RGL1: variants seen among roughly 807,000 people sequenced by gnomAD.
RGL1 encodes the protein ral guanine nucleotide dissociation stimulator-like 1.
Under a neutral mutation model 95.2 loss-of-function variants are expected in RGL1, and 24 were observed. That is an observed-to-expected ratio of 0.25 (90% CI 0.18 to 0.35). The LOEUF is 0.35. RGL1 is among the 10% of genes least tolerant of loss of function. The pLI, the probability that RGL1 is intolerant of heterozygous loss-of-function variation, is 1.00. For missense variants in RGL1, 715 were observed against 936.3 expected (o/e 0.76, Z 3.08); for synonymous variants, 329 against 344.9 (o/e 0.95, Z 0.51).
intron 16 of RGL1, among the ~76,000 whole-genome samples, chr1:183,920,232 T>C (rs1326752564): frequency 1.3e-5 from 2 of 152,106 alleles, no homozygotes; most frequent in African/African-American, 4.8e-5. Flanking sequence ...AGACGGGGTT[T>C]CACCATGTTG....
intron 1 of RGL1, among the ~76,000 whole-genome samples, chr1:183,719,289 C>T (rs1655838816): frequency 6.6e-6 from 1 of 152,248 alleles, no homozygotes; most frequent in South Asian, 2.1e-4. Flanking sequence ...GAGACACTTA[C>T]TGAGCAGTCC....
At chr1:183,925,942 A>G (rs1016099240) in intron 17 of RGL1, among the ~76,000 whole-genome samples, 163 bp from the exon 18 acceptor site, 5 of 152,114 alleles carry the variant, frequency 3.3e-5, no homozygotes, top group Admixed American at 6.5e-5. Flanking sequence ...GCTGGGGCCA[A>G]TTTTTGGGGT....
At chr1:183,839,780 T>A (rs1047229679) in intron 2 of RGL1, among the ~76,000 whole-genome samples, 1 of 152,176 alleles carries the variant, frequency 6.6e-6, no homozygotes, top group Non-Finnish European at 1.5e-5. Flanking sequence ...CCCTCTGTCA[T>A]ATTGTTTATG....
chr1:183,878,267 GCTC>G (rs1666634823), intron 4 of RGL1, among the ~76,000 whole-genome samples: 1 of 151,908 alleles, frequency 6.6e-6, no homozygotes, highest in Non-Finnish European at 1.5e-5. Context: ...TGTGATCACA[GCTC>G]ACTGCAGCCT....
chr1:183,924,019 C>T (rs1010755756), intron 17 of RGL1, among the ~76,000 whole-genome samples: 2 of 152,150 alleles, frequency 1.3e-5, no homozygotes, highest in Non-Finnish European at 2.9e-5. Flanking sequence ...TTCAAATACT[C>T]ATTACACTTG....
At chr1:183,725,098 A>G (rs1656237421) in intron 1 of RGL1, among the ~76,000 whole-genome samples, 1 of 152,174 alleles carries the variant, frequency 6.6e-6, no homozygotes, top group South Asian at 2.1e-4. Context: ...TCCAAATCTT[A>G]TCCAAGATCA....
intron 2 of RGL1, among the ~76,000 whole-genome samples, chr1:183,764,289 C>T (rs1487412259): frequency 6.6e-6 from 1 of 152,066 alleles, no homozygotes; most frequent in African/African-American, 2.4e-5. Context: ...AAATTAGGGG[C>T]TCATGTGGCA....
intron 2 of RGL1, among the ~76,000 whole-genome samples, chr1:183,778,834 A>G (rs1161376228): frequency 2.6e-5 from 4 of 152,190 alleles, no homozygotes; most frequent in Non-Finnish European, 5.9e-5. Flanking sequence ...CTCATCCTTT[A>G]GGGAATTGTC....
chr1:183,790,262 A>G (rs1660382101), intron 2 of RGL1, among the ~76,000 whole-genome samples: 1 of 151,908 alleles, frequency 6.6e-6, no homozygotes, highest in African/African-American at 2.4e-5. Context: ...CCAATATCCT[A>G]TGATGATGCC....
intron 14 of RGL1, among the ~76,000 whole-genome samples, chr1:183,910,227 G>C (rs1441680929): frequency 6.6e-6 from 1 of 152,158 alleles, no homozygotes; most frequent in African/African-American, 2.4e-5. Flanking sequence ...TTCCCAAGTA[G>C]CTGGGATTAC....
chr1:183,925,984 C>T lies in RGL1; in HGVS notation c.2120-121C>T, dbSNP rs918586692. 6.7e-6 allele frequency: 5 copies of T among 748,708 alleles called. No individual in the cohort carries two copies. In the South Asian group the frequency reaches 1.2e-4, roughly 18 times the overall value. The allele number at this position is 748,708 out of a possible 1,614,324, so 46.4% of individuals were successfully genotyped here. A position where few individuals can be genotyped will look rare whatever the true frequency, so the allele number is the denominator to read the frequency against. On this transcript the variant is annotated intron_variant, in intron 17 of 17. Transcript: ENST00000360851. ...GGTGATCACTGTCTGGTTCAGGTCA[C>T]ATTCCAGAGATGAAGGGCCGTAGTC...
chr1:183,672,189 T>C (rs2102055851), intron 1 of RGL1, among the ~76,000 whole-genome samples: 1 of 152,274 alleles, frequency 6.6e-6, no homozygotes, highest in East Asian at 1.9e-4. Context: ...TGCCTCGGCC[T>C]CCCAAAGTGC....
upstream of RGL1, among the ~76,000 whole-genome samples, chr1:183,802,486 A>G (rs1465225995): frequency 6.7e-6 from 1 of 149,636 alleles, no homozygotes; most frequent in African/African-American, 2.4e-5. Flanking sequence ...TACACTTGGG[A>G]TTTCGGAAGG....
At chr1:183,872,842 AAAG>A (rs1666261209) in intron 4 of RGL1, among the ~76,000 whole-genome samples, 1 of 152,222 alleles carries the variant, frequency 6.6e-6, no homozygotes, top group Non-Finnish European at 1.5e-5. Flanking sequence ...AAAATGGGGA[AAAG>A]GAGGAGGGGT....
intron 9 of RGL1, among the ~76,000 whole-genome samples, chr1:183,896,600 G>T (rs934407223): frequency 3.3e-5 from 5 of 152,150 alleles, no homozygotes; most frequent in Non-Finnish European, 5.9e-5. Context: ...AAGGTCACGT[G>T]CTATGGTAAT....
intron 1 of RGL1, among the ~76,000 whole-genome samples, chr1:183,690,836 C>T (rs546979580): frequency 2.3e-4 from 35 of 152,016 alleles, no homozygotes; most frequent in Admixed American, 5.2e-4. Flanking sequence ...ATACTTAGCA[C>T]GTTAGCATAT....
At chr1:183,747,427 A>G (rs548028407) in intron 2 of RGL1, among the ~76,000 whole-genome samples, 2 of 152,314 alleles carry the variant, frequency 1.3e-5, no homozygotes, top group Admixed American at 6.5e-5. Context: ...TGGCCGCATA[A>G]ATGTCTTCTT....
chr1:183,720,463 C>T (rs1452386331), intron 1 of RGL1, among the ~76,000 whole-genome samples: 2 of 152,228 alleles, frequency 1.3e-5, no homozygotes, highest in Non-Finnish European at 1.5e-5. Flanking sequence ...ACTGTATATG[C>T]AACCTATAAG....
chr1:183,847,797 G>C (rs546890947), intron 3 of RGL1, 23 bp downstream of exon 3: 97 of 1,591,060 alleles, frequency 6.1e-5, no homozygotes, highest in Admixed American at 4.0e-4. Flanking sequence ...AGGAGCTTTT[G>C]AGTTGAAAGA....
Sources: gnomAD v4.1 joint callset for allele counts (sites outside exome capture counted in the v4.1 genomes callset) on GRCh38, gnomAD v4.1.1 for gene constraint, MANE v1.5 for transcripts, NCBI Gene and HGNC (gene_info 2026-07-23, HGNC 2026-07-21) for gene names.